NKAIN2: variants seen among roughly 807,000 people sequenced by gnomAD.
NKAIN2 encodes sodium/potassium-transporting ATPase subunit beta-1-interacting protein 2.
NKAIN2 carries 14 observed loss-of-function variants against 32.6 expected under a neutral mutation model. The observed-to-expected ratio is 0.43, with a 90% CI of 0.28 to 0.67. The LOEUF (loss-of-function observed/expected upper bound fraction) is 0.67. NKAIN2 is among the 30% of genes least tolerant of loss of function. The pLI is 0.17. For synonymous variants in NKAIN2, 80 were observed against 87.2 expected (o/e 0.92, Z 0.46); for missense variants, 198 against 258.3 (o/e 0.77, Z 1.60).
intron 3 of NKAIN2, among the ~76,000 whole-genome samples, chr6:124,441,879 T>A (rs1447884023): frequency 6.6e-6 from 1 of 152,072 alleles, no homozygotes; most frequent in East Asian, 1.9e-4. Flanking sequence ...GGGATAGTGC[T>A]ATATTGGGTG....
At chr6:124,333,018 A>T (rs573048282) in intron 2 of NKAIN2, among the ~76,000 whole-genome samples, 1 of 152,332 alleles carries the variant, frequency 6.6e-6, no homozygotes, top group South Asian at 2.1e-4. Flanking sequence ...ACTAATTTAA[A>T]TAAATATTAT....
chr6:124,666,037 C>T (rs1179003930), intron 4 of NKAIN2, among the ~76,000 whole-genome samples: 1 of 152,036 alleles, frequency 6.6e-6, no homozygotes, highest in East Asian at 1.9e-4. Flanking sequence ...AATGACTAGC[C>T]CTGGGCTTCT....
chr6:123,976,358 TA>T (rs1562287650), intron 1 of NKAIN2, among the ~76,000 whole-genome samples: 2,102 of 35,050 alleles, frequency 0.06, 539 homozygotes, highest in East Asian at 0.084. Context: ...CATATATATA[TA>T]TATATATATT....
At chr6:124,689,115 T>A (rs1774136970) in intron 4 of NKAIN2, among the ~76,000 whole-genome samples, 1 of 152,148 alleles carries the variant, frequency 6.6e-6, no homozygotes, top group Admixed American at 6.6e-5. Context: ...ATAGTTCCTC[T>A]TCCTCCACAT....
chr6:124,253,451 A>G (rs1483972444), intron 1 of NKAIN2, among the ~76,000 whole-genome samples: 2 of 152,210 alleles, frequency 1.3e-5, no homozygotes, highest in Non-Finnish European at 2.9e-5. Flanking sequence ...GGGATTAAAA[A>G]ATAAAATAGG....
intron 3 of NKAIN2, among the ~76,000 whole-genome samples, chr6:124,619,167 A>G (rs577925871): frequency 2.0e-5 from 3 of 152,340 alleles, no homozygotes; most frequent in South Asian, 2.1e-4. Flanking sequence ...ATTACCTAAG[A>G]ATCAAAGAGA....
chr6:124,758,348 A>T (rs1778060810), intron 4 of NKAIN2, among the ~76,000 whole-genome samples: 1 of 152,058 alleles, frequency 6.6e-6, no homozygotes, highest in Non-Finnish European at 1.5e-5. Context: ...ATAAGAATAT[A>T]TTTTAGAAAG....
At chr6:124,714,441 A>G (rs1440123895) in intron 4 of NKAIN2, among the ~76,000 whole-genome samples, 1 of 152,228 alleles carries the variant, frequency 6.6e-6, no homozygotes, top group Non-Finnish European at 1.5e-5. Context: ...AATCCACTTC[A>G]TGCTTGGAGC....
chr6:124,658,155 A>G lies in NKAIN2; in HGVS notation c.274-31A>G, dbSNP rs1417242947. On this transcript the variant is annotated intron_variant, in intron 3 of 6. Transcript: ENST00000368417. Reference sequence around the variant, plus strand: ...TAAGCTGACTAACATTTATAAAGTAATTCTCATCCTTGTAAATTGCCTTCT... The same window carrying G: ...TAAGCTGACTAACATTTATAAAGTAGTTCTCATCCTTGTAAATTGCCTTCT... The G allele has an allele frequency of 4.6e-6, 7 of 1,509,482 alleles. No homozygotes were observed. In the Admixed American group the frequency reaches 5.6e-5, roughly 12 times the overall value. 93.5% of individuals were successfully genotyped at this position (1,509,482 alleles called of 1,614,324 possible). A position where few individuals can be genotyped will look rare whatever the true frequency, so the allele number is the denominator to read the frequency against.
chr6:124,250,091 C>T (rs558244029), intron 1 of NKAIN2, among the ~76,000 whole-genome samples: 6 of 152,148 alleles, frequency 3.9e-5, no homozygotes, highest in African/African-American at 1.4e-4. Flanking sequence ...AATTAGTGCC[C>T]TTTTAATAGA....
At chr6:124,076,202 G>A (rs1270602023) in intron 1 of NKAIN2, among the ~76,000 whole-genome samples, 1 of 152,156 alleles carries the variant, frequency 6.6e-6, no homozygotes, top group Non-Finnish European at 1.5e-5. Context: ...TTACAACTGA[G>A]GAGATGAGAA....
chr6:123,856,743 C>G (rs964353003), intron 1 of NKAIN2, among the ~76,000 whole-genome samples: 3 of 152,320 alleles, frequency 2.0e-5, no homozygotes, highest in African/African-American at 7.2e-5. Flanking sequence ...CACCACAGCC[C>G]TACAGAATTT....
chr6:123,987,711 T>C (rs1036146448), intron 1 of NKAIN2, among the ~76,000 whole-genome samples: 2 of 152,156 alleles, frequency 1.3e-5, no homozygotes, highest in Non-Finnish European at 2.9e-5. Flanking sequence ...TTCCTTGCCA[T>C]GTGGCTCCTC....
intron 3 of NKAIN2, among the ~76,000 whole-genome samples, chr6:124,423,819 G>T (rs565937): frequency 0.16 from 24,510 of 152,084 alleles, 2,271 homozygotes; most frequent in East Asian, 0.24. Flanking sequence ...GCTAGTGCCT[G>T]GGCAGATGTC....
At chr6:124,008,767 G>A (rs954309888) in intron 1 of NKAIN2, among the ~76,000 whole-genome samples, 5 of 152,062 alleles carry the variant, frequency 3.3e-5, no homozygotes, top group Admixed American at 6.5e-5. Flanking sequence ...CTGTCTTGGC[G>A]ACAGGCAACA....
intron 4 of NKAIN2, among the ~76,000 whole-genome samples, chr6:124,712,593 G>A (rs143608073): frequency 1.1e-3 from 155 of 145,680 alleles, no homozygotes; most frequent in African/African-American, 3.6e-3. Flanking sequence ...AGGTGCGTCC[G>A]TCACCCCTTT....
chr6:123,953,216 T>C (rs1267124074), intron 1 of NKAIN2, among the ~76,000 whole-genome samples: 1 of 152,158 alleles, frequency 6.6e-6, no homozygotes, highest in Non-Finnish European at 1.5e-5. Context: ...GGTGAAGTTA[T>C]GCTGCAGATG....
intron 1 of NKAIN2, among the ~76,000 whole-genome samples, chr6:124,109,316 A>C (rs1318872528): frequency 6.6e-6 from 1 of 151,952 alleles, no homozygotes; most frequent in Non-Finnish European, 1.5e-5. Flanking sequence ...TGTAAATGAC[A>C]CTGTTTGCCT....
In NKAIN2 at chr6:124,374,691, A is replaced by T. The variant is rs1799907519; in HGVS notation, c.273+19344A>T. Among the ~76,000 whole-genome samples the T allele has an allele frequency of 2.6e-5, 4 of 152,262 alleles. No individual in the cohort carries two copies. The South Asian group carries it at 8.3e-4, about 32-fold the overall frequency. ...ATGCAACTTCAGAGTGTCCTGTCCT[A>T]CACATAATTAGAAATTAGGACAAAG... On this transcript the variant is annotated intron_variant, in intron 3 of 6. Transcript: ENST00000368417.
Sources: allele counts gnomAD v4.1 joint callset (sites outside exome capture counted in the v4.1 genomes callset), GRCh38; gene constraint gnomAD v4.1.1; transcripts MANE v1.5; gene names NCBI Gene and HGNC (gene_info 2026-07-23, HGNC 2026-07-21).